Variants in UIMC1 observed in about 807,000 individuals in gnomAD.
UIMC1 encodes the protein ubiquitin interaction motif containing 1, also known as BRCA1-A complex subunit RAP80.
A neutral mutation model predicts 84.9 loss-of-function variants in UIMC1; 42 were observed. The observed-to-expected ratio is 0.49, with a 90% CI of 0.39 to 0.64. The LOEUF (loss-of-function observed/expected upper bound fraction) is 0.64, where lower values mean the gene tolerates loss of function less well. Ranked by LOEUF, UIMC1 falls within the 30% of genes least tolerant of loss-of-function variation. The pLI, the probability that UIMC1 is intolerant of heterozygous loss-of-function variation, is 0.00. For synonymous variants in UIMC1, 281 were observed against 293.0 expected (o/e 0.96, Z 0.42); for missense variants, 825 against 847.6 (o/e 0.97, Z 0.33).
At chr5:176,950,624 C>G (rs1047284641) in intron 9 of UIMC1, among the ~76,000 whole-genome samples, 10 of 151,840 alleles carry the variant, frequency 6.6e-5, no homozygotes, top group Admixed American at 2.6e-4. Flanking sequence ...AATCCCAGCA[C>G]TTTGGGAGGC....
chr5:176,949,166 T>C (rs541077069), intron 9 of UIMC1, among the ~76,000 whole-genome samples: 55 of 152,248 alleles, frequency 3.6e-4, no homozygotes, highest in African/African-American at 1.3e-3. Context: ...ATGTGCACAA[T>C]GTGCAGGTTT....
At chr5:176,992,239 G>A (rs769959357) in intron 1 of UIMC1, among the ~76,000 whole-genome samples, 1 of 152,164 alleles carries the variant, frequency 6.6e-6, no homozygotes, top group African/African-American at 2.4e-5. Flanking sequence ...AAAATTGTGT[G>A]TAAAATTGGT....
intron 6 of UIMC1, among the ~76,000 whole-genome samples, chr5:176,959,705 G>A (rs1291742331): frequency 1.1e-4 from 12 of 113,528 alleles, no homozygotes; most frequent in African/African-American, 3.9e-4. Flanking sequence ...GACAGAGCGA[G>A]ACTCCGTCTC....
intron 14 of UIMC1, 124 bp downstream of exon 14, chr5:176,905,887 A>G (rs551104701): frequency 1.9e-6 from 2 of 1,027,520 alleles, no homozygotes; most frequent in Non-Finnish European, 3.0e-6. Flanking sequence ...GAGAGAGGTC[A>G]TAATAGTTCC....
intron 2 of UIMC1, among the ~76,000 whole-genome samples, chr5:176,977,063 A>C (rs570729986): frequency 3.7e-4 from 57 of 152,190 alleles, no homozygotes; most frequent in African/African-American, 1.3e-3. Context: ...TCTCTACTAA[A>C]AATACAAAAA....
intron 6 of UIMC1, among the ~76,000 whole-genome samples, chr5:176,965,690 C>T (rs982623102): frequency 6.6e-6 from 1 of 152,118 alleles, no homozygotes; most frequent in African/African-American, 2.4e-5. Context: ...GATAATACTA[C>T]CTGTAGTATT....
intron 2 of UIMC1, among the ~76,000 whole-genome samples, chr5:176,981,704 G>A (rs1771082608): frequency 6.6e-6 from 1 of 151,970 alleles, no homozygotes; most frequent in Non-Finnish European, 1.5e-5. Context: ...GGGAGGCTGA[G>A]GTGGGACCAG....
At chr5:177,011,845 G>A (rs907246183) in intron 1 of UIMC1, among the ~76,000 whole-genome samples, 1 of 151,144 alleles carries the variant, frequency 6.6e-6, no homozygotes, top group Non-Finnish European at 1.5e-5. Context: ...CTGTTGCCCA[G>A]GCTGGAGTGC....
chr5:176,905,225 A>AC lies in UIMC1; in HGVS notation c.*56_*57insG. The AC allele has an allele frequency of 1.3e-6, 2 of 1,582,688 alleles. No homozygotes were observed. The highest frequency in any genetic ancestry group is 1.7e-5 in the Admixed American group (1 of 58,118). ...ATGAACTAGGGACCACTATGGCTTA[A>AC]TGAACATGGCCCACCCCTCCTACTA... On this transcript the variant is annotated 3_prime_UTR_variant, in exon 15 of 15. Coordinates refer to ENST00000511320, the MANE Select transcript of UIMC1 (RefSeq NM_001199298.2).
In UIMC1 at chr5:176,970,733, C is replaced by T; in HGVS notation, c.357+9G>A. The T allele has an allele frequency of 6.2e-7, 1 of 1,613,992 alleles. No individual in the cohort carries two copies. The highest frequency in any genetic ancestry group is 8.5e-7 in the Non-Finnish European group (1 of 1,180,000). ...ATCTCCACAAACTTTTGCAACATGG[C>T]ATATTTACATTCAGGCTTTCAGCAA... On this transcript the variant is annotated intron_variant, in intron 4 of 14. Coordinates refer to ENST00000511320, the MANE Select transcript of UIMC1 (RefSeq NM_001199298.2).
At chr5:176,994,927 GTTTTC>G (rs1265346158) in intron 1 of UIMC1, among the ~76,000 whole-genome samples, 5 of 142,428 alleles carry the variant, frequency 3.5e-5, no homozygotes, top group Non-Finnish European at 7.5e-5. Flanking sequence ...AAAGGAATTT[GTTTTC>G]TTTTCTTATC....
At chr5:176,931,152 A>C (rs1245556720) in intron 10 of UIMC1, among the ~76,000 whole-genome samples, 1 of 152,148 alleles carries the variant, frequency 6.6e-6, no homozygotes, top group Non-Finnish European at 1.5e-5. Flanking sequence ...AGATAACAAA[A>C]ACTTATCCTT....
At chr5:177,019,689 T>C (rs1775746261) in intron 1 of UIMC1, among the ~76,000 whole-genome samples, 1 of 151,786 alleles carries the variant, frequency 6.6e-6, no homozygotes, top group Admixed American at 6.6e-5. Flanking sequence ...CCCAGCACTT[T>C]AGGAGGCCAA....
chr5:176,929,938 T>C (rs986642480), intron 10 of UIMC1, among the ~76,000 whole-genome samples: 1 of 152,126 alleles, frequency 6.6e-6, no homozygotes, highest in Non-Finnish European at 1.5e-5. Context: ...ATAAAGATAA[T>C]AGTAAGTAAG....
chr5:176,953,515 C>CACACACACACAT (rs1554120153), intron 8 of UIMC1, among the ~76,000 whole-genome samples: 1 of 151,500 alleles, frequency 6.6e-6, no homozygotes, highest in African/African-American at 2.4e-5. Context: ...CACACACACA[C>CACACACACACAT]ACACACACAC....
chr5:176,965,421 CAA>C (rs551191945), intron 6 of UIMC1, among the ~76,000 whole-genome samples: 4 of 124,814 alleles, frequency 3.2e-5, no homozygotes, highest in Admixed American at 8.2e-5. Context: ...GACTCCATCT[CAA>C]AAAAAAAAAA....
intron 9 of UIMC1, among the ~76,000 whole-genome samples, chr5:176,946,115 T>G (rs1330049324): frequency 6.6e-6 from 1 of 152,156 alleles, no homozygotes; most frequent in African/African-American, 2.4e-5. Flanking sequence ...AATGCTGGTA[T>G]ATTCAGTGCA....
chr5:176,966,825 T>C (rs184814827), intron 6 of UIMC1, among the ~76,000 whole-genome samples: 62 of 152,180 alleles, frequency 4.1e-4, no homozygotes, highest in East Asian at 3.9e-3. Context: ...GACTACTTTC[T>C]CTACTATATA....
chr5:177,018,943 A>G (rs1028454924), intron 1 of UIMC1, among the ~76,000 whole-genome samples: 2 of 152,242 alleles, frequency 1.3e-5, no homozygotes, highest in African/African-American at 4.8e-5. Flanking sequence ...GGGTTCTGCG[A>G]CTTCGACAAA....
Sources: gnomAD v4.1 joint callset for allele counts (sites outside exome capture counted in the v4.1 genomes callset) on GRCh38, gnomAD v4.1.1 for gene constraint, MANE v1.5 for transcripts, NCBI Gene and HGNC (gene_info 2026-07-23, HGNC 2026-07-21) for gene names.